Variants in SLC4A7 observed in about 807,000 individuals in gnomAD.
The protein encoded by SLC4A7 is solute carrier family 4 member 7, also known as sodium bicarbonate cotransporter 3.
In SLC4A7, 51 loss-of-function variants were observed where a neutral mutation model predicts 137.6. The ratio of observed to expected loss-of-function variants is 0.37; its 90% CI spans 0.30 to 0.47. The LOEUF is 0.47. Among genes scored for constraint, SLC4A7 ranks in the 20% least tolerant of loss-of-function variants. The pLI, the probability that SLC4A7 is intolerant of heterozygous loss-of-function variation, is 1.00. For synonymous variants in SLC4A7, 542 were observed against 518.6 expected (o/e 1.05, Z -0.61); for missense variants, 1,247 against 1,525.4 (o/e 0.82, Z 3.04).
At chr3:27,470,499 T>C (rs2059193555) in intron 1 of SLC4A7, among the ~76,000 whole-genome samples, 1 of 151,948 alleles carries the variant, frequency 6.6e-6, no homozygotes, top group Admixed American at 6.6e-5. Flanking sequence ...GACTGATACA[T>C]ATATTGAATA....
At chr3:27,471,573 C>T (rs1465620991) in intron 1 of SLC4A7, among the ~76,000 whole-genome samples, 3 of 152,278 alleles carry the variant, frequency 2.0e-5, no homozygotes, top group South Asian at 4.1e-4. Flanking sequence ...GGTTCCTCCA[C>T]GTTGGTCAGA....
At chr3:27,465,914 A>AC (rs1225375920) in intron 1 of SLC4A7, among the ~76,000 whole-genome samples, 3 of 148,534 alleles carry the variant, frequency 2.0e-5, no homozygotes, top group African/African-American at 7.5e-5. Flanking sequence ...AGATCGCCCC[A>AC]CTGCACTCCA....
At chr3:27,391,101 A>G (rs1041849311) in intron 21 of SLC4A7, among the ~76,000 whole-genome samples, 7 of 152,210 alleles carry the variant, frequency 4.6e-5, no homozygotes, top group African/African-American at 1.7e-4. Context: ...GGGATAACAG[A>G]CATGAGTAAT....
At chr3:27,470,002 T>A (rs2059168786) in intron 1 of SLC4A7, among the ~76,000 whole-genome samples, 1 of 152,226 alleles carries the variant, frequency 6.6e-6, no homozygotes, top group Non-Finnish European at 1.5e-5. Flanking sequence ...AACCATGTAT[T>A]GGCATACATA....
intron 23 of SLC4A7, among the ~76,000 whole-genome samples, chr3:27,384,175 C>CAAACAA (rs1241501535): frequency 6.2e-4 from 95 of 152,030 alleles, no homozygotes; most frequent in African/African-American, 2.1e-3. Context: ...TAAAAACAAA[C>CAAACAA]AAACAAAAAC....
intron 3 of SLC4A7, among the ~76,000 whole-genome samples, chr3:27,445,121 C>A (rs1308420053): frequency 6.6e-6 from 1 of 152,186 alleles, no homozygotes; most frequent in Non-Finnish European, 1.5e-5. Flanking sequence ...CTATTCCCAG[C>A]CTTGTGTGAA....
chr3:27,397,579 A>C, intron 18 of SLC4A7, 105 bp downstream of exon 18: 1 of 657,284 alleles, frequency 1.5e-6, no homozygotes. Flanking sequence ...AGCCCTTCAA[A>C]GAGACTACAT....
At position 27,395,035 on chromosome 3, in the gene SLC4A7, A is replaced by C. The variant is rs781060878; in HGVS notation, c.2784T>G (p.Pro928=). 2 of 1,612,970 alleles carry C rather than the reference A, an allele frequency of 1.2e-6. No homozygotes were observed. The highest frequency in any genetic ancestry group is 1.7e-6 in the Non-Finnish European group (2 of 1,179,380). The change falls in exon 19 of 26, where the codon CCT becomes CCG. Residue 928 remains proline, a synonymous_variant. Coordinates refer to ENST00000454389, the MANE Select transcript of SLC4A7 (RefSeq NM_001321103.2). ...PWWTLLIAAI[P]ALLCTILIFM... ...AGATGAGAATGGTACAAAGCAAAGC[A>C]GGAATAGCAGCTATTAATAAGGTCC...
intron 1 of SLC4A7, 45 bp downstream of exon 1, chr3:27,484,021 CG>C: frequency 7.5e-7 from 1 of 1,342,152 alleles, no homozygotes; most frequent in South Asian, 1.7e-5. Flanking sequence ...TGCCTCGCCC[CG>C]CGCCCTCCCC....
At chr3:27,394,328 T>C (rs570647327) in intron 20 of SLC4A7, among the ~76,000 whole-genome samples, 190 bp downstream of exon 20, 2 of 150,572 alleles carry the variant, frequency 1.3e-5, no homozygotes, top group South Asian at 4.2e-4. Context: ...ATACATTATT[T>C]TAAAAATATA....
intron 1 of SLC4A7, among the ~76,000 whole-genome samples, chr3:27,461,182 C>T (rs2058674684): frequency 6.7e-6 from 1 of 148,890 alleles, no homozygotes; most frequent in Non-Finnish European, 1.5e-5. Flanking sequence ...TGACAGTGTA[C>T]CTAGAATGAC....
intron 1 of SLC4A7, among the ~76,000 whole-genome samples, chr3:27,464,445 C>T (rs2058863552): frequency 6.6e-6 from 1 of 151,948 alleles, no homozygotes. Context: ...CGGTAGCTCA[C>T]GCCAGTAATC....
At chr3:27,443,138 TCTC>T (rs1375675308) in intron 3 of SLC4A7, among the ~76,000 whole-genome samples, 1 of 149,184 alleles carries the variant, frequency 6.7e-6, no homozygotes, top group Non-Finnish European at 1.5e-5. Context: ...TTCAAGCAAT[TCTC>T]CTGTCTCAGC....
chr3:27,452,419 T>G lies in SLC4A7; in HGVS notation c.140A>C (p.Glu47Ala). The G allele has an allele frequency of 3.1e-6, 5 of 1,595,726 alleles. No individual in the cohort carries two copies. The highest frequency in any genetic ancestry group is 4.3e-6 in the Non-Finnish European group (5 of 1,172,300). Residue 47 changes from glutamate to alanine, a missense_variant and splice_region_variant, in exon 2 of 26, where the codon GAA (glutamate) becomes GCA (alanine). Physicochemically the swap from Glu to Ala is moderately radical, Grantham distance 107. Transcript: ENST00000454389. ...VNTKFEKEEL[E>A]SHRAVYIGVH... ...TAAGTTATTTTAAACCAACTTACTT[T>G]CTAGTTCTTCTTTTTCAAACTTGGT...
chr3:27,409,279 G>A, intron 13 of SLC4A7, 77 bp downstream of exon 13: 1 of 1,139,972 alleles, frequency 8.8e-7, no homozygotes, highest in Non-Finnish European at 1.2e-6. Flanking sequence ...ATAAAAGTAT[G>A]AATAGTGAGA....
intron 20 of SLC4A7, among the ~76,000 whole-genome samples, chr3:27,392,448 A>G (rs2051661179): frequency 6.6e-6 from 1 of 152,218 alleles, no homozygotes; most frequent in South Asian, 2.1e-4. Flanking sequence ...AAAAAACTAC[A>G]GAGGAAAACC....
intron 1 of SLC4A7, among the ~76,000 whole-genome samples, chr3:27,479,030 C>T (rs965093955): frequency 2.2e-4 from 33 of 151,596 alleles, no homozygotes; most frequent in Admixed American, 6.6e-5. Flanking sequence ...CAAAAAAACA[C>T]CAAACTAGAA....
At chr3:27,438,228 C>T (rs938471230) in intron 3 of SLC4A7, among the ~76,000 whole-genome samples, 4 of 149,600 alleles carry the variant, frequency 2.7e-5, no homozygotes, top group Admixed American at 6.7e-5. Context: ...AAAATGTGGC[C>T]GGGCACAGTG....
At chr3:27,397,884 C>T (rs2052357629) in intron 17 of SLC4A7, 87 bp from the exon 18 acceptor site, 6 of 760,160 alleles carry the variant, frequency 7.9e-6, no homozygotes, top group Admixed American at 2.9e-5. Flanking sequence ...ATAAAATTGT[C>T]ACTACAACGT....
Sources: allele counts gnomAD v4.1 joint callset (sites outside exome capture counted in the v4.1 genomes callset), GRCh38; gene constraint gnomAD v4.1.1; transcripts MANE v1.5; gene names NCBI Gene and HGNC (gene_info 2026-07-23, HGNC 2026-07-21).